The following PCDH15 variants were observed in gnomAD, a reference collection of about 807,000 sequenced individuals.
PCDH15 encodes the protein protocadherin-15.
A neutral mutation model predicts 178.5 loss-of-function variants in PCDH15; 129 were observed. The observed-to-expected ratio is 0.72, with a 90% CI of 0.63 to 0.84. The LOEUF is 0.84. PCDH15 is among the 40% of genes least tolerant of loss of function. The pLI, the probability that PCDH15 is intolerant of heterozygous loss-of-function variation, is 0.00. For missense variants in PCDH15, 2,230 were observed against 2,099.9 expected (o/e 1.06, Z -1.21); for synonymous variants, 800 against 732.0 (o/e 1.09, Z -1.50).
At chr10:55,262,346 C>T (rs992080228) in intron 1 of PCDH15, among the ~76,000 whole-genome samples, 1 of 151,788 alleles carries the variant, frequency 6.6e-6, no homozygotes, top group South Asian at 2.1e-4. Context: ...GATCTAGTGA[C>T]GACAGGCATT....
intron 26 of PCDH15, among the ~76,000 whole-genome samples, chr10:53,889,221 A>C (rs1239986932): frequency 1.3e-5 from 2 of 152,094 alleles, no homozygotes; most frequent in Non-Finnish European, 2.9e-5. Flanking sequence ...AAATTGTATT[A>C]AAAGTTTCTG....
In PCDH15 at chr10:53,994,830, C is replaced by T. The variant is rs2091747089; in HGVS notation, c.2868+819G>A. 4 of 152,130 alleles carry T rather than the reference C, an allele frequency of 2.6e-5. No homozygotes were observed. The South Asian group carries it at 6.2e-4, about 24-fold the overall frequency. 9.4% of individuals were successfully genotyped at this position (152,130 alleles called of 1,614,324 possible). A position where few individuals can be genotyped will look rare whatever the true frequency, so the allele number is the denominator to read the frequency against. Reference sequence around the variant, plus strand: ...ATGGCCATTCACTTTTAATTAAATACAAGCATTAAAAGAAATACTATTTAT... The same window carrying T: ...ATGGCCATTCACTTTTAATTAAATATAAGCATTAAAAGAAATACTATTTAT... On this transcript the variant is annotated intron_variant, in intron 21 of 37. Coordinates refer to ENST00000644397, the MANE Select transcript of PCDH15 (RefSeq NM_001384140.1).
At chr10:53,932,016 G>A (rs936933742) in intron 25 of PCDH15, among the ~76,000 whole-genome samples, 6 of 152,168 alleles carry the variant, frequency 3.9e-5, no homozygotes, top group Admixed American at 6.5e-5. Context: ...GGTAGGTAGC[G>A]AAGTTCCTAC....
intron 3 of PCDH15, among the ~76,000 whole-genome samples, chr10:54,502,464 A>T (rs2080782530): frequency 6.6e-6 from 1 of 152,010 alleles, no homozygotes; most frequent in African/African-American, 2.4e-5. Flanking sequence ...ACCCTTAGGT[A>T]TTTTACTATG....
intron 6 of PCDH15, among the ~76,000 whole-genome samples, chr10:54,341,137 T>TG (rs35591070): frequency 1.1e-4 from 17 of 152,134 alleles, no homozygotes; most frequent in Non-Finnish European, 2.1e-4. Flanking sequence ...CTGACATTCC[T>TG]GGGGGTGGTC....
At chr10:55,389,776 A>G (rs1461665764) in intron 2 of PCDH15, among the ~76,000 whole-genome samples, 2 of 152,158 alleles carry the variant, frequency 1.3e-5, no homozygotes, top group South Asian at 2.1e-4. Flanking sequence ...AAACAACCCT[A>G]AAGTCCTATC....
chr10:55,160,871 T>C (rs1185768092), intron 2 of PCDH15, among the ~76,000 whole-genome samples: 1 of 152,138 alleles, frequency 6.6e-6, no homozygotes, highest in Non-Finnish European at 1.5e-5. Flanking sequence ...ATATCTCTTA[T>C]TTAAAGCCTT....
At chr10:55,431,928 A>ATC (rs1240142058) in intron 2 of PCDH15, among the ~76,000 whole-genome samples, 2 of 152,118 alleles carry the variant, frequency 1.3e-5, no homozygotes, top group African/African-American at 4.8e-5. Flanking sequence ...TCTTATATAT[A>ATC]TTGCTCCCAA....
Position 53,831,472 on chromosome 10 carries a change from C to T in PCDH15, c.4045G>A (p.Gly1349Arg), listed in dbSNP as rs764390144. 1.2e-6 allele frequency: 2 copies of T among 1,613,994 alleles called. No individual in the cohort carries two copies. The highest frequency in any genetic ancestry group is 2.7e-5 in the African/African-American group (2 of 74,888). The change falls in exon 30 of 38, where the codon GGA (glycine) becomes AGA (arginine). Residue 1349 changes from glycine (G) to arginine (R), a missense_variant. By Grantham distance (125) the Gly-to-Arg change is moderately radical (BLOSUM62 -2). Coordinates refer to ENST00000644397, the MANE Select transcript of PCDH15 (RefSeq NM_001384140.1). ...GGAGTCCGGATCTCCAGAATGCGTC[C>T]TCCTTCCCCATAATACGGCTGAAAG... ...KDFQPYYGEGGRILEIRTPEA... is the reference protein window; with the variant it reads ...KDFQPYYGEGRRILEIRTPEA...
chr10:54,832,451 T>A (rs1316311744), intron 3 of PCDH15, among the ~76,000 whole-genome samples: 1 of 152,252 alleles, frequency 6.6e-6, no homozygotes, highest in Non-Finnish European at 1.5e-5. Context: ...ACACTAGATG[T>A]AGTAAACAAT....
intron 3 of PCDH15, among the ~76,000 whole-genome samples, chr10:54,858,339 C>A (rs758288867): frequency 6.6e-6 from 1 of 152,060 alleles, no homozygotes; most frequent in African/African-American, 2.4e-5. Context: ...GATTCCACGT[C>A]GCTGCTATTG....
chr10:54,953,008 T>G (rs1016486539), intron 2 of PCDH15, among the ~76,000 whole-genome samples: 1 of 151,768 alleles, frequency 6.6e-6, no homozygotes, highest in African/African-American at 2.4e-5. Flanking sequence ...TTTCATTAGT[T>G]AAGTGTACCA....
chr10:54,544,163 C>T (rs1397178916), intron 2 of PCDH15, among the ~76,000 whole-genome samples: 2 of 152,070 alleles, frequency 1.3e-5, no homozygotes, highest in Admixed American at 1.3e-4. Context: ...TGAAAGAAAA[C>T]TTTTGTTGGC....
chr10:54,642,954 G>C (rs570399775), intron 2 of PCDH15, among the ~76,000 whole-genome samples: 1 of 152,108 alleles, frequency 6.6e-6, no homozygotes, highest in Non-Finnish European at 1.5e-5. Flanking sequence ...ACAGAATCTC[G>C]CTCTCTGTCC....
At chr10:54,228,761 T>C (rs1263316640) in intron 9 of PCDH15, among the ~76,000 whole-genome samples, 1 of 152,194 alleles carries the variant, frequency 6.6e-6, no homozygotes, top group African/African-American at 2.4e-5. Context: ...GGATGATACC[T>C]GCCCATATTG....
At chr10:53,899,552 A>T (rs2082187004) in intron 26 of PCDH15, among the ~76,000 whole-genome samples, 1 of 152,174 alleles carries the variant, frequency 6.6e-6, no homozygotes, top group African/African-American at 2.4e-5. Context: ...ATTTACATTT[A>T]ACTTTTATCA....
chr10:54,463,667 G>C lies in PCDH15; in HGVS notation c.157+64145C>G, dbSNP rs1032236843. Among the ~76,000 whole-genome samples the C allele has an allele frequency of 3.9e-5, 6 of 152,048 alleles. No individual in the cohort carries two copies. The East Asian group carries it at 7.7e-4, about 20-fold the overall frequency. ...GACAGTAATTTTTTTCACCATCCTG[G>C]AAGACCCTCAAGGTCAGGGATTATA... On this transcript the variant is annotated intron_variant, in intron 3 of 37. Coordinates refer to ENST00000644397, the MANE Select transcript of PCDH15 (RefSeq NM_001384140.1).
intron 30 of PCDH15, among the ~76,000 whole-genome samples, chr10:53,830,030 G>A (rs12254054): frequency 0.38 from 58,073 of 151,870 alleles, 11,743 homozygotes; most frequent in East Asian, 0.75. Context: ...TTGGCTGGGC[G>A]CGGTGGCTCA....
intron 3 of PCDH15, among the ~76,000 whole-genome samples, chr10:54,442,544 T>C (rs1400232271): frequency 1.4e-5 from 2 of 144,968 alleles, no homozygotes; most frequent in Admixed American, 1.4e-4. Context: ...CTGAAGGCAA[T>C]TATTTACATA....
Sources: gnomAD v4.1 joint callset for allele counts (sites outside exome capture counted in the v4.1 genomes callset) on GRCh38, gnomAD v4.1.1 for gene constraint, MANE v1.5 for transcripts, NCBI Gene and HGNC (gene_info 2026-07-23, HGNC 2026-07-21) for gene names.